The following ELAPOR2 variants were observed in gnomAD, a reference collection of about 807,000 sequenced individuals.
ELAPOR2 encodes the protein endosome/lysosome-associated apoptosis and autophagy regulator family member 2.
A neutral mutation model predicts 120.7 loss-of-function variants in ELAPOR2; 89 were observed. That is an observed-to-expected ratio of 0.74 (90% CI 0.62 to 0.88). The LOEUF (loss-of-function observed/expected upper bound fraction) is 0.88. Ranked by LOEUF, ELAPOR2 falls within the 40% of genes least tolerant of loss-of-function variation. The pLI is 0.00. For missense variants in ELAPOR2, 1,134 were observed against 1,251.6 expected (o/e 0.91, Z 1.42); for synonymous variants, 444 against 444.9 (o/e 1.00, Z 0.03).
intron 1 of ELAPOR2, among the ~76,000 whole-genome samples, chr7:86,966,460 C>T (rs913378504): frequency 6.6e-6 from 1 of 152,176 alleles, no homozygotes; most frequent in Non-Finnish European, 1.5e-5. Flanking sequence ...TCTGAGCCTT[C>T]ACAGGCAGTC....
intron 10 of ELAPOR2, among the ~76,000 whole-genome samples, chr7:86,920,533 T>C (rs568518719): frequency 6.6e-6 from 1 of 152,076 alleles, no homozygotes; most frequent in South Asian, 2.1e-4. Context: ...CAGAAAGGCA[T>C]GAGGAGGGAT....
intron 10 of ELAPOR2, among the ~76,000 whole-genome samples, chr7:86,922,438 G>A (rs929060029): frequency 1.3e-5 from 2 of 151,198 alleles, no homozygotes; most frequent in African/African-American, 4.9e-5. Flanking sequence ...TTTAAAAGTT[G>A]AAACCTAAAA....
intron 1 of ELAPOR2, among the ~76,000 whole-genome samples, chr7:87,036,907 A>G (rs1794606746): frequency 6.6e-6 from 1 of 152,192 alleles, no homozygotes. Flanking sequence ...TAACAAACGT[A>G]CAAATGTACC....
At chr7:86,903,619 A>T (rs925543752) in intron 18 of ELAPOR2, among the ~76,000 whole-genome samples, 12 of 152,324 alleles carry the variant, frequency 7.9e-5, no homozygotes, top group African/African-American at 2.9e-4. Context: ...TCTAAATTGG[A>T]ATCTGTGAAA....
intron 1 of ELAPOR2, among the ~76,000 whole-genome samples, chr7:87,041,447 G>A (rs1794782962): frequency 6.6e-6 from 1 of 151,928 alleles, no homozygotes. Context: ...GAAGAGAGTG[G>A]GGGCCAATAT....
At chr7:86,899,647 A>G (rs1331450456) in intron 18 of ELAPOR2, among the ~76,000 whole-genome samples, 1 of 152,146 alleles carries the variant, frequency 6.6e-6, no homozygotes. Flanking sequence ...AAAAATCTAC[A>G]TGTCTAAAAA....
intron 1 of ELAPOR2, among the ~76,000 whole-genome samples, chr7:86,970,680 A>G (rs1792078673): frequency 6.6e-6 from 1 of 152,204 alleles, no homozygotes; most frequent in African/African-American, 2.4e-5. Context: ...TTTAGCCTAC[A>G]TTATTAAGTA....
chr7:87,059,415 C>A lies in ELAPOR2; in HGVS notation c.99G>T (p.Trp33Cys). The A allele has an allele frequency of 8.1e-7, 1 of 1,239,528 alleles. No individual in the cohort carries two copies. Among genetic ancestry groups the A allele is most frequent in the African/African-American group, 1.6e-5 (1 of 64,396 alleles). The allele number at this position is 1,239,528 out of a possible 1,614,324, so 76.8% of individuals were successfully genotyped here. Residue 33 changes from tryptophan to cysteine, a missense_variant, in exon 1 of 22, where the codon TGG becomes TGT. Physicochemically the swap from Trp to Cys is radical, Grantham distance 215. Transcript: ENST00000450689. ...RGRSPPWSPA[W>C]ICCWALAGCQ... ...AGCCGGCGAGCGCCCAGCAGCAAAT[C>A]CAGGCGGGGCTCCAGGGCGGCGAGC...
intron 1 of ELAPOR2, among the ~76,000 whole-genome samples, chr7:87,036,162 A>C (rs1794581038): frequency 6.6e-6 from 1 of 152,194 alleles, no homozygotes; most frequent in South Asian, 2.1e-4. Flanking sequence ...TTTGTCAATA[A>C]TGATATGACA....
intron 21 of ELAPOR2, among the ~76,000 whole-genome samples, chr7:86,888,769 T>A (rs888636923): frequency 1.3e-5 from 2 of 152,100 alleles, no homozygotes; most frequent in African/African-American, 4.8e-5. Flanking sequence ...AAAGGAGACA[T>A]CATTATATGA....
chr7:87,033,930 A>C (rs1369463086), intron 1 of ELAPOR2, among the ~76,000 whole-genome samples: 1 of 152,184 alleles, frequency 6.6e-6, no homozygotes. Context: ...CAACAGAAAA[A>C]GGATGAATTA....
chr7:86,882,084 A>G (rs937892397), intron 21 of ELAPOR2, among the ~76,000 whole-genome samples: 17 of 152,226 alleles, frequency 1.1e-4, no homozygotes, highest in African/African-American at 4.1e-4. Flanking sequence ...CCTCTGGAAG[A>G]GCAGACTGTA....
chr7:87,027,216 T>C (rs1794273049), intron 1 of ELAPOR2, among the ~76,000 whole-genome samples: 1 of 152,162 alleles, frequency 6.6e-6, no homozygotes, highest in Admixed American at 6.6e-5. Context: ...TCTACTAGCT[T>C]GCTGGTTCTA....
Position 86,940,020 on chromosome 7 carries a change from G to T in ELAPOR2, c.837C>A (p.Ile279=). ...KAVKPVLVKN[I]TIEGVAYTSE... ...AATGCCATGAAATACCTTCAATTGT[G>T]ATATTTTTTACCAGCACAGGCTTGA... Residue 279 remains isoleucine (I), a synonymous_variant, in exon 6 of 22, where the codon ATC becomes ATA. Coordinates refer to ENST00000450689, the MANE Select transcript of ELAPOR2 (RefSeq NM_001142749.3). 1 of 1,598,324 alleles carries T rather than the reference G, an allele frequency of 6.3e-7. No individual in the cohort carries two copies. Among genetic ancestry groups the T allele is most frequent in the Non-Finnish European group, 8.6e-7 (1 of 1,167,964 alleles).
chr7:86,987,989 C>T (rs2116584572), intron 1 of ELAPOR2, among the ~76,000 whole-genome samples: 1 of 152,226 alleles, frequency 6.6e-6, no homozygotes, highest in South Asian at 2.1e-4. Context: ...AAATGTGGCA[C>T]ATATACACCA....
intron 1 of ELAPOR2, among the ~76,000 whole-genome samples, chr7:87,011,423 A>G (rs1157939686): frequency 2.0e-5 from 3 of 152,150 alleles, no homozygotes; most frequent in African/African-American, 4.8e-5. Context: ...TAAAACTCCT[A>G]ATACTACTGA....
At position 87,042,731 on chromosome 7, in the gene ELAPOR2, G is replaced by T. The variant is rs563014719; in HGVS notation, c.189+16594C>A. Among the ~76,000 whole-genome samples, 7 of 152,230 alleles carry T rather than the reference G, an allele frequency of 4.6e-5. No homozygotes were observed. In the East Asian group the frequency reaches 1.2e-3, roughly 25 times the overall value. On this transcript the variant is annotated intron_variant, in intron 1 of 21. Transcript: ENST00000450689. ...AAAGCAAGAGCAAACACATTGAAAA[G>T]CTAGCAGAAGGCAAGAAATAACTAA... is the stretch of plus-strand genomic sequence containing the variant.
intron 1 of ELAPOR2, among the ~76,000 whole-genome samples, chr7:86,989,051 A>G (rs1792853535): frequency 6.6e-6 from 1 of 152,216 alleles, no homozygotes; most frequent in Non-Finnish European, 1.5e-5. Context: ...TATAAATAAA[A>G]ATTGCAAAGA....
At chr7:87,011,246 T>C (rs1193076871) in intron 1 of ELAPOR2, among the ~76,000 whole-genome samples, 1 of 53,198 alleles carries the variant, frequency 1.9e-5, no homozygotes, top group East Asian at 3.8e-4. Flanking sequence ...CGAGACTCCA[T>C]CTCAAAAAAA....
Sources: allele counts gnomAD v4.1 joint callset (sites outside exome capture counted in the v4.1 genomes callset), GRCh38; gene constraint gnomAD v4.1.1; transcripts MANE v1.5; gene names NCBI Gene and HGNC (gene_info 2026-07-23, HGNC 2026-07-21).